BCL11A: variants seen among roughly 807,000 people sequenced by gnomAD.
BCL11A encodes B cell CLL/lymphoma 11A.
BCL11A carries 2 observed loss-of-function variants against 55.9 expected under a neutral mutation model. That is an observed-to-expected ratio of 0.04 (90% CI 0.01 to 0.11). The LOEUF is 0.11. Ranked by LOEUF, BCL11A falls within the 10% of genes least tolerant of loss-of-function variation. The pLI is 1.00. For synonymous variants in BCL11A, 465 were observed against 473.4 expected (o/e 0.98, Z 0.23); for missense variants, 817 against 1,137.1 (o/e 0.72, Z 4.05).
intron 1 of BCL11A, among the ~76,000 whole-genome samples, chr2:60,550,540 C>T (rs1287119315): frequency 6.6e-6 from 1 of 150,914 alleles, no homozygotes; most frequent in African/African-American, 2.4e-5. Context: ...ATGGCTCATT[C>T]AGCCCACATA....
intron 2 of BCL11A, chr2:60,478,154 G>C (rs999137001): frequency 2.0e-5 from 3 of 151,984 alleles, no homozygotes; most frequent in Admixed American, 6.6e-5. Flanking sequence ...TTGTAGAGAT[G>C]GGATCTCACC....
Position 60,458,820 on chromosome 2 carries a change from T to C in BCL11A, c.*1584A>G, listed in dbSNP as rs1340688130. Reference sequence around the variant, plus strand: ...TATCACAGGCAGAGTCAAGTGCTATTTGAACACCAACTGGGGCAGATGCTA... The same window carrying C: ...TATCACAGGCAGAGTCAAGTGCTATCTGAACACCAACTGGGGCAGATGCTA... On this transcript the variant is annotated 3_prime_UTR_variant, in exon 4 of 4. Transcript: ENST00000642384. The C allele has an allele frequency of 1.9e-6, 2 of 1,030,590 alleles. No homozygotes were observed. The highest frequency in any genetic ancestry group is 2.3e-6 in the Non-Finnish European group (2 of 856,318). The allele number at this position is 1,030,590 out of a possible 1,614,324, so 63.8% of individuals were successfully genotyped here. A position where few individuals can be genotyped will look rare whatever the true frequency, so the allele number is the denominator to read the frequency against.
chr2:60,511,995 A>T (rs1260852186), intron 2 of BCL11A, among the ~76,000 whole-genome samples: 1 of 152,226 alleles, frequency 6.6e-6, no homozygotes, highest in Non-Finnish European at 1.5e-5. Context: ...CTCATGGCGT[A>T]ATACTTGCTC....
At chr2:60,545,478 C>G (rs573376796) in intron 2 of BCL11A, 1 of 158,616 alleles carries the variant, frequency 6.3e-6, no homozygotes, top group African/African-American at 2.4e-5. Context: ...CTCCAACTAC[C>G]CTGCCAGCCC....
intron 2 of BCL11A, among the ~76,000 whole-genome samples, chr2:60,519,067 T>C (rs1239361265): frequency 6.6e-6 from 1 of 152,144 alleles, no homozygotes; most frequent in East Asian, 1.9e-4. Flanking sequence ...GATTTTTCAA[T>C]CCTGATACCA....
chr2:60,492,906 G>A (rs891642897), intron 2 of BCL11A, among the ~76,000 whole-genome samples: 9 of 152,154 alleles, frequency 5.9e-5, no homozygotes, highest in Non-Finnish European at 1.2e-4. Flanking sequence ...ATACAGCTGT[G>A]TGGCCTCCAC....
chr2:60,463,140 G>A (rs1676406870), intron 3 of BCL11A, among the ~76,000 whole-genome samples: 1 of 152,170 alleles, frequency 6.6e-6, no homozygotes, highest in Non-Finnish European at 1.5e-5. Flanking sequence ...AACACCCCAT[G>A]GGGACGTCCA....
chr2:60,452,819 C>G, downstream of BCL11A: 1 of 601,134 alleles, frequency 1.7e-6, no homozygotes, highest in Non-Finnish European at 2.9e-6. Context: ...ATTTCAAACT[C>G]AGCCTCCCCT....
intron 2 of BCL11A, among the ~76,000 whole-genome samples, chr2:60,507,270 AGGGGAGGGGAGG>A (rs1679674323): frequency 1.2e-3 from 1 of 824 alleles, no homozygotes; most frequent in Non-Finnish European, 2.3e-3. Flanking sequence ...AGGGGAGGGG[AGGGGAGGGGAGG>A]GGAGGGGAGG....
At chr2:60,550,363 G>C (rs6747099) in intron 1 of BCL11A, among the ~76,000 whole-genome samples, 58,714 of 152,086 alleles carry the variant, frequency 0.39, 12,085 homozygotes, top group Non-Finnish European at 0.47. Context: ...ACGGGGTGAT[G>C]GGGGAGAGAA....
intron 2 of BCL11A, chr2:60,543,729 A>C (rs1208027364): frequency 6.6e-6 from 1 of 152,224 alleles, no homozygotes; most frequent in African/African-American, 2.4e-5. Flanking sequence ...AACACAATGA[A>C]AGAAATCAAG....
intron 1 of BCL11A, among the ~76,000 whole-genome samples, chr2:60,550,399 C>A (rs1239962497): frequency 6.6e-6 from 1 of 152,182 alleles, no homozygotes; most frequent in Non-Finnish European, 1.5e-5. Context: ...ACCGTTCTTT[C>A]CCCCCACCCC....
chr2:60,542,496 G>C (rs1669967322), intron 2 of BCL11A: 1 of 152,158 alleles, frequency 6.6e-6, no homozygotes, highest in African/African-American at 2.4e-5. Flanking sequence ...ATCTGAGGGT[G>C]GATATTTGAC....
intron 1 of BCL11A, among the ~76,000 whole-genome samples, chr2:60,547,874 CAT>C (rs971272260): frequency 2.6e-5 from 4 of 152,184 alleles, no homozygotes; most frequent in Non-Finnish European, 4.4e-5. Flanking sequence ...TAGGACATCT[CAT>C]AATTTCTAGC....
intron 1 of BCL11A, among the ~76,000 whole-genome samples, chr2:60,548,922 C>A (rs1445638017): frequency 1.3e-5 from 2 of 152,196 alleles, no homozygotes; most frequent in Non-Finnish European, 1.5e-5. Context: ...AATTTCTCTG[C>A]ATTTTAATGC....
Position 60,459,209 on chromosome 2 carries a change from A to G in BCL11A, c.*1195T>C. ...TTCAATATGGTATACAAGGTCTTAA[A>G]GTTTATCATTTGATTGTCCACTTGA... On this transcript the variant is annotated 3_prime_UTR_variant, in exon 4 of 4. Coordinates refer to ENST00000642384, the MANE Select transcript of BCL11A (RefSeq NM_022893.4). 1 of 1,021,448 alleles carries G rather than the reference A, an allele frequency of 9.8e-7. No homozygotes were observed. Among genetic ancestry groups the G allele is most frequent in the Non-Finnish European group, 1.2e-6 (1 of 850,920 alleles). The allele number at this position is 1,021,448 out of a possible 1,614,324, so 63.3% of individuals were successfully genotyped here.
In BCL11A at chr2:60,546,423, T is replaced by A. The variant is rs1682167031; in HGVS notation, c.56-123A>T. ...TAAAGTGTTTCTAGGCTTCTCTATA[T>A]AATACCCAGAAAATGTGAGCATACA... On this transcript the variant is annotated intron_variant, in intron 1 of 3. Transcript: ENST00000642384. The surrounding 1 kb of genome is among the most constrained non-coding windows in gnomAD (Gnocchi z 4.1). 1.2e-6 allele frequency: 1 copy of A among 812,290 alleles called. No individual in the cohort carries two copies. The highest frequency in any genetic ancestry group is 1.9e-6 in the Non-Finnish European group (1 of 518,434). 50.3% of individuals were successfully genotyped at this position (812,290 alleles called of 1,614,324 possible). A position where few individuals can be genotyped will look rare whatever the true frequency, so the allele number is the denominator to read the frequency against.
chr2:60,452,845 A>T, downstream of BCL11A: 1 of 557,496 alleles, frequency 1.8e-6, no homozygotes, highest in Non-Finnish European at 3.2e-6. Context: ...AGTATCTCTG[A>T]CCTCTGAGTC....
At chr2:60,513,060 C>A (rs775726081) in intron 2 of BCL11A, among the ~76,000 whole-genome samples, 7 of 152,148 alleles carry the variant, frequency 4.6e-5, no homozygotes, top group African/African-American at 1.7e-4. Context: ...AGAAAGGACC[C>A]CCAGAACAGT....
Sources: gnomAD v4.1 joint callset for allele counts (sites outside exome capture counted in the v4.1 genomes callset) on GRCh38, gnomAD v4.1.1 for gene constraint, Gnocchi (gnomAD v3.1) non-coding constraint, MANE v1.5 for transcripts, NCBI Gene and HGNC (gene_info 2026-07-23, HGNC 2026-07-21) for gene names.